DGKB: variants seen among roughly 807,000 people sequenced by gnomAD.
DGKB encodes 90 kDa diacylglycerol kinase.
DGKB carries 67 observed loss-of-function variants against 114.3 expected under a neutral mutation model. The ratio of observed to expected loss-of-function variants is 0.59; its 90% CI spans 0.48 to 0.72. The LOEUF is 0.72. Among genes scored for constraint, DGKB ranks in the 30% least tolerant of loss-of-function variants. DGKB has a pLI of 0.00. For missense variants in DGKB, 907 were observed against 975.2 expected, an observed-to-expected ratio of 0.93 and a Z score of 0.93; for synonymous variants, 398 against 323.1, an observed-to-expected ratio of 1.23 and a Z score of -2.49.
intron 2 of DGKB, among the ~76,000 whole-genome samples, chr7:14,821,288 T>C (rs533101140): frequency 6.6e-6 from 1 of 152,182 alleles, no homozygotes; most frequent in Non-Finnish European, 1.5e-5. Flanking sequence ...TTAAATGCCA[T>C]GTTTATACAT....
At chr7:14,769,437 G>T (rs1043165891) in intron 2 of DGKB, among the ~76,000 whole-genome samples, 1 of 151,688 alleles carries the variant, frequency 6.6e-6, no homozygotes, top group Non-Finnish European at 1.5e-5. Context: ...TCCTTTGACC[G>T]ATGTGCTTAT....
At chr7:14,454,053 G>C (rs2128850244) in intron 21 of DGKB, among the ~76,000 whole-genome samples, 1 of 152,102 alleles carries the variant, frequency 6.6e-6, no homozygotes, top group South Asian at 2.1e-4. Flanking sequence ...AGATACATGT[G>C]CTATTTTGAG....
intron 20 of DGKB, among the ~76,000 whole-genome samples, chr7:14,537,816 C>T (rs1792760519): frequency 6.6e-6 from 1 of 152,150 alleles, no homozygotes; most frequent in Non-Finnish European, 1.5e-5. Context: ...CGCGGTGGCT[C>T]ACGCCTGTAA....
At chr7:14,949,618 A>C (rs1786064972) in intron 1 of DGKB, among the ~76,000 whole-genome samples, 1 of 151,992 alleles carries the variant, frequency 6.6e-6, no homozygotes, top group Non-Finnish European at 1.5e-5. Context: ...ACACTTACTA[A>C]ATTTGATGAA....
At chr7:14,190,095 C>T (rs1784083778) in intron 23 of DGKB, among the ~76,000 whole-genome samples, 1 of 152,130 alleles carries the variant, frequency 6.6e-6, no homozygotes, top group South Asian at 2.1e-4. Context: ...CTTTAGAATA[C>T]ATATTCTTTT....
intron 5 of DGKB, among the ~76,000 whole-genome samples, chr7:14,723,711 T>C (rs1439238701): frequency 6.6e-6 from 1 of 152,204 alleles, no homozygotes; most frequent in African/African-American, 2.4e-5. Context: ...ACTTAGCATT[T>C]ATTTCTGTTA....
intron 21 of DGKB, among the ~76,000 whole-genome samples, chr7:14,405,446 C>A (rs961535856): frequency 2.0e-5 from 3 of 151,930 alleles, no homozygotes; most frequent in Non-Finnish European, 4.4e-5. Flanking sequence ...ATAATAATAG[C>A]CATTATGAAA....
chr7:14,498,237 A>T (rs532936319), intron 20 of DGKB, among the ~76,000 whole-genome samples: 7 of 151,952 alleles, frequency 4.6e-5, no homozygotes, highest in African/African-American at 1.4e-4. Context: ...GCATTTGTTG[A>T]TTTGTTGAAG....
intron 20 of DGKB, among the ~76,000 whole-genome samples, chr7:14,563,378 T>A (rs1418047920): frequency 6.6e-6 from 1 of 152,194 alleles, no homozygotes; most frequent in Admixed American, 6.5e-5. Context: ...TGGTTTTCCC[T>A]GTTTCTTGAC....
intron 25 of DGKB, among the ~76,000 whole-genome samples, chr7:14,161,337 C>A (rs912264265): frequency 6.6e-6 from 1 of 152,162 alleles, no homozygotes; most frequent in Non-Finnish European, 1.5e-5. Flanking sequence ...GATTATAAAT[C>A]ATTCTACTAT....
At chr7:14,678,686 T>C (rs1392465854) in intron 12 of DGKB, among the ~76,000 whole-genome samples, 3 of 151,990 alleles carry the variant, frequency 2.0e-5, no homozygotes, top group Non-Finnish European at 4.4e-5. Flanking sequence ...AACAAACTAG[T>C]ATTTTCAGAA....
chr7:14,703,131 C>T (rs560123705), intron 6 of DGKB, among the ~76,000 whole-genome samples: 21 of 152,128 alleles, frequency 1.4e-4, no homozygotes, highest in Non-Finnish European at 2.6e-4. Flanking sequence ...TGTAGTGCAG[C>T]AGCAAATAGT....
chr7:14,934,442 T>C (rs1039854072), intron 1 of DGKB, among the ~76,000 whole-genome samples: 9 of 152,182 alleles, frequency 5.9e-5, no homozygotes, highest in Admixed American at 5.2e-4. Context: ...CTGGAGTACT[T>C]GACATACTAT....
chr7:14,783,856 T>C (rs1281529111), intron 2 of DGKB, among the ~76,000 whole-genome samples: 1 of 152,220 alleles, frequency 6.6e-6, no homozygotes, highest in Non-Finnish European at 1.5e-5. Flanking sequence ...ATCTTTTTCA[T>C]AGTAAGTAAT....
intron 20 of DGKB, among the ~76,000 whole-genome samples, chr7:14,561,639 T>A (rs552691117): frequency 6.6e-6 from 1 of 152,206 alleles, no homozygotes; most frequent in East Asian, 1.9e-4. Flanking sequence ...ACTGGAGCAA[T>A]GGTAACTCTT....
At chr7:14,375,925 G>A (rs762891083) in intron 21 of DGKB, among the ~76,000 whole-genome samples, 1 of 152,190 alleles carries the variant, frequency 6.6e-6, no homozygotes, top group Non-Finnish European at 1.5e-5. Context: ...GAAGGTCTTA[G>A]TATTTGAACT....
chr7:14,732,923 A>C (rs1028226823), intron 5 of DGKB, among the ~76,000 whole-genome samples: 2 of 152,204 alleles, frequency 1.3e-5, no homozygotes, highest in African/African-American at 4.8e-5. Context: ...TATGTGATAC[A>C]GTTATTTAGA....
chr7:14,414,827 A>G (rs984033083), intron 21 of DGKB, among the ~76,000 whole-genome samples: 1 of 152,084 alleles, frequency 6.6e-6, no homozygotes, highest in African/African-American at 2.4e-5. Flanking sequence ...AAGGGCACTT[A>G]ACATTTCTGA....
At chr7:14,727,181 T>C (rs1830151072) in intron 5 of DGKB, among the ~76,000 whole-genome samples, 1 of 152,102 alleles carries the variant, frequency 6.6e-6, no homozygotes, top group Admixed American at 6.6e-5. Context: ...CTCCTGTGTG[T>C]TGGGTGAATA....
Sources: gnomAD v4.1 joint callset for allele counts (sites outside exome capture counted in the v4.1 genomes callset) on GRCh38, gnomAD v4.1.1 for gene constraint, MANE v1.5 for transcripts, NCBI Gene and HGNC (gene_info 2026-07-23, HGNC 2026-07-21) for gene names.